Variants in FAM185A observed in about 807,000 individuals in gnomAD.
The protein encoded by FAM185A is family with sequence similarity 185 member A.
In FAM185A, 21 loss-of-function variants were observed where a neutral mutation model predicts 45.7. That is an observed-to-expected ratio of 0.46 (90% CI 0.33 to 0.66). The LOEUF (loss-of-function observed/expected upper bound fraction) is 0.66. Ranked by LOEUF, FAM185A falls within the 30% of genes least tolerant of loss-of-function variation. The pLI is 0.03. For synonymous variants in FAM185A, 117 were observed against 194.0 expected, an observed-to-expected ratio of 0.60 and a Z score of 3.30; for missense variants, 305 against 485.4, an observed-to-expected ratio of 0.63 and a Z score of 3.49.
chr7:102,782,342 T>G (rs956430453), intron 6 of FAM185A, among the ~76,000 whole-genome samples: 1 of 151,932 alleles, frequency 6.6e-6, no homozygotes, highest in African/African-American at 2.4e-5. Flanking sequence ...CCAAGACACA[T>G]AATTGTCAGA....
intron 7 of FAM185A, among the ~76,000 whole-genome samples, chr7:102,804,906 A>G (rs1476659444): frequency 6.6e-6 from 1 of 152,198 alleles, no homozygotes; most frequent in Non-Finnish European, 1.5e-5. Flanking sequence ...AGATATACAA[A>G]TGGCCAATGA....
intron 4 of FAM185A, among the ~76,000 whole-genome samples, chr7:102,771,637 T>C (rs1456081808): frequency 6.6e-6 from 1 of 152,134 alleles, no homozygotes; most frequent in African/African-American, 2.4e-5. Context: ...GTTATTCCTT[T>C]ACTTTTTAGT....
At chr7:102,798,978 C>T (rs1047867868) in intron 7 of FAM185A, among the ~76,000 whole-genome samples, 11 of 152,314 alleles carry the variant, frequency 7.2e-5, no homozygotes, top group East Asian at 5.8e-4. Flanking sequence ...AAACTCCTGA[C>T]GTCAGGTGAT....
the FAM185A span, among the ~76,000 whole-genome samples, chr7:102,817,172 G>GCA: frequency 6.6e-6 from 1 of 152,170 alleles, no homozygotes; most frequent in Non-Finnish European, 1.5e-5. Flanking sequence ...AGTTCTTTGA[G>GCA]AAGTTTTTAT....
At chr7:102,844,536 G>C in the FAM185A span, among the ~76,000 whole-genome samples, 1 of 152,142 alleles carries the variant, frequency 6.6e-6, no homozygotes, top group African/African-American at 2.4e-5. Context: ...GAGGTGAAGA[G>C]AGCTTAGAGG....
chr7:102,824,995 A>G, the FAM185A span, among the ~76,000 whole-genome samples: 2 of 152,122 alleles, frequency 1.3e-5, no homozygotes, highest in South Asian at 4.1e-4. Flanking sequence ...ACAATCTTTA[A>G]TTATTATAAA....
At chr7:102,769,617 T>C (rs879662339) in intron 4 of FAM185A, among the ~76,000 whole-genome samples, 12 of 152,040 alleles carry the variant, frequency 7.9e-5, no homozygotes, top group Admixed American at 3.9e-4. Flanking sequence ...GTTCAGGAGG[T>C]AGAGCAGTGT....
chr7:102,836,164 A>G, the FAM185A span, among the ~76,000 whole-genome samples: 2 of 152,192 alleles, frequency 1.3e-5, no homozygotes, highest in African/African-American at 2.4e-5. Flanking sequence ...ATATTCTTTA[A>G]AGACAAATGT....
At chr7:102,769,952 C>A (rs1490398383) in intron 4 of FAM185A, among the ~76,000 whole-genome samples, 2 of 152,074 alleles carry the variant, frequency 1.3e-5, no homozygotes, top group African/African-American at 4.8e-5. Flanking sequence ...CCAATTACCT[C>A]CCAAAGGTCC....
At chr7:102,783,167 A>G (rs1795522504) in intron 6 of FAM185A, among the ~76,000 whole-genome samples, 1 of 151,192 alleles carries the variant, frequency 6.6e-6, no homozygotes, top group South Asian at 2.1e-4. Flanking sequence ...TTAGAGACCT[A>G]CAAGGAGACT....
chr7:102,812,049 A>G (rs796930188), downstream of FAM185A, among the ~76,000 whole-genome samples: 2 of 152,232 alleles, frequency 1.3e-5, no homozygotes, highest in African/African-American at 4.8e-5. Flanking sequence ...GTGGGATACA[A>G]AAAGAGAATT....
At chr7:102,848,722 G>A in the FAM185A span, among the ~76,000 whole-genome samples, 4 of 152,014 alleles carry the variant, frequency 2.6e-5, no homozygotes, top group Admixed American at 6.5e-5. Context: ...GGCCAGGCAC[G>A]GCGCCTCACA....
intron 7 of FAM185A, among the ~76,000 whole-genome samples, chr7:102,804,518 A>T (rs200028148): frequency 2.2e-3 from 287 of 129,444 alleles, no homozygotes; most frequent in South Asian, 4.3e-3. Context: ...CTCTCACCTT[A>T]TACAAAAATC....
chr7:102,849,271 T>C, the FAM185A span, among the ~76,000 whole-genome samples: 2 of 152,234 alleles, frequency 1.3e-5, no homozygotes, highest in Admixed American at 6.5e-5. Context: ...AATCATTGAA[T>C]GTCTGTTGTT....
At chr7:102,815,621 A>C in the FAM185A span, among the ~76,000 whole-genome samples, 1 of 151,320 alleles carries the variant, frequency 6.6e-6, no homozygotes, top group Non-Finnish European at 1.5e-5. Flanking sequence ...GCACAGTTAG[A>C]GGCAACAATG....
intron 7 of FAM185A, among the ~76,000 whole-genome samples, chr7:102,797,814 A>T (rs1295952215): frequency 6.6e-6 from 1 of 152,244 alleles, no homozygotes; most frequent in Non-Finnish European, 1.5e-5. Context: ...ATAAGGCAGC[A>T]GCAGAAGTAT....
At chr7:102,753,809 G>A (rs1399724330) in intron 2 of FAM185A, among the ~76,000 whole-genome samples, 3 of 151,814 alleles carry the variant, frequency 2.0e-5, no homozygotes, top group Non-Finnish European at 2.9e-5. Context: ...AAAGTCCAAT[G>A]GACCAATTAA....
intron 2 of FAM185A, among the ~76,000 whole-genome samples, chr7:102,753,629 C>T (rs10226473): frequency 0.85 from 128,273 of 151,250 alleles, 54,682 homozygotes; most frequent in Admixed American, 0.89. Context: ...TTGAGAACGA[C>T]TGCTTTATGC....
chr7:102,773,566 A>T, intron 5 of FAM185A, among the ~76,000 whole-genome samples: 1 of 152,074 alleles, frequency 6.6e-6, no homozygotes, highest in Non-Finnish European at 1.5e-5. Flanking sequence ...CCTCTTGGGT[A>T]AATACGTAGG....
Sources: allele counts gnomAD v4.1 joint callset (sites outside exome capture counted in the v4.1 genomes callset), GRCh38; gene constraint gnomAD v4.1.1; transcripts MANE v1.5; gene names NCBI Gene and HGNC (gene_info 2026-07-23, HGNC 2026-07-21).